The following TJP3 variants were observed in gnomAD, a reference collection of about 807,000 sequenced individuals.
TJP3 encodes the protein tight junction protein ZO-3.
Under a neutral mutation model 104.2 loss-of-function variants are expected in TJP3, and 85 were observed. That is an observed-to-expected ratio of 0.82 (90% CI 0.68 to 0.98). The LOEUF (loss-of-function observed/expected upper bound fraction) is 0.98. Ranked by LOEUF, TJP3 falls within the 50% of genes least tolerant of loss-of-function variation. The probability of loss-of-function intolerance (pLI) is 0.00; values close to 1 mark genes in which losing one functional copy is unlikely to be tolerated. For synonymous variants in TJP3, 550 were observed against 550.6 expected (o/e 1.00, Z 0.02); for missense variants, 1,367 against 1,322.8 (o/e 1.03, Z -0.52).
chr19:3,740,874 C>G, intron 14 of TJP3, 111 bp downstream of exon 14: 2 of 1,064,286 alleles, frequency 1.9e-6, no homozygotes, highest in Non-Finnish European at 2.5e-6. Context: ...GGCGTGGTGG[C>G]TCACGCCTAT....
chr19:3,747,975 A>T lies in TJP3; in HGVS notation c.2504A>T (p.Asp835Val), dbSNP rs759031819. Residue 835 changes from aspartate (D) to valine (V), a missense_variant, in exon 19 of 21, where the codon GAT becomes GTT. Transcript: ENST00000541714. Reference sequence around the variant, plus strand: ...GGGGGGCCCTACACGGATGTGGATGATGAGCCCCCGGCTCCAGCCCTGGCC... The same window carrying T: ...GGGGGGCCCTACACGGATGTGGATGTTGAGCCCCCGGCTCCAGCCCTGGCC... ...GEGGPYTDVD[D>V]EPPAPALARS... 3.1e-6 allele frequency: 5 copies of T among 1,612,686 alleles called. No homozygotes were observed. The South Asian group carries it at 5.5e-5, about 18-fold the overall frequency.
intron 11 of TJP3, among the ~76,000 whole-genome samples, chr19:3,737,184 G>T (rs1230789429): frequency 1.3e-5 from 2 of 151,986 alleles, no homozygotes; most frequent in Admixed American, 6.6e-5. Flanking sequence ...TCAAGATTGG[G>T]AACAACAATC....
chr19:3,746,814 CA>C lies in TJP3; in HGVS notation c.2261del (p.Gln754ArgfsTer30). 6.2e-7 allele frequency: 1 copy of C among 1,612,176 alleles called. No individual in the cohort carries two copies. The highest frequency in any genetic ancestry group is 8.5e-7 in the Non-Finnish European group (1 of 1,179,236). ...GAATGGCACGAGTGACACCTGGTAC[CA>C]GGAGCTCAAGGCCATCATTCGAGAG... is the stretch of plus-strand genomic sequence containing the variant. The part of the protein sequence containing the change: ...PLNGTSDTWY[Q>X]ELKAIIREQQ... On this transcript the variant is annotated frameshift_variant, in exon 18 of 21. Coordinates refer to ENST00000541714, the MANE Select transcript of TJP3 (RefSeq NM_001267560.2). LOFTEE classifies it high-confidence loss of function. This position sits in a 1 kb window ranked among gnomAD's most constrained non-coding sequence, Gnocchi z 4.1.
In TJP3 at chr19:3,745,133, C is replaced by CTTTTTTT. The variant is rs549831017; in HGVS notation, c.1940-854_1940-848dup. 1.2e-3 allele frequency among the ~76,000 whole-genome samples: 85 copies of CTTTTTTT among 70,026 alleles called. 5 individuals carry two copies. The highest frequency in any genetic ancestry group is 0.011 in the Middle Eastern group (1 of 90). 45.9% of individuals were successfully genotyped at this position (70,026 alleles called of 152,430 possible). ...TTAAAAAAAGATGCAAATTTTATGT[C>CTTTTTTT]TTTTTTTTTTTTTTTTTTTTTTTTT... On this transcript the variant is annotated intron_variant, in intron 15 of 20. Transcript: ENST00000541714.
At chr19:3,724,281 C>T (rs910956664) in intron 1 of TJP3, among the ~76,000 whole-genome samples, 3 of 151,180 alleles carry the variant, frequency 2.0e-5, no homozygotes, top group East Asian at 2.0e-4. Context: ...CTGCAAGCTC[C>T]GCCTCCCAGG....
At chr19:3,735,348 C>A (rs1256591970) in intron 8 of TJP3, among the ~76,000 whole-genome samples, 2 of 151,918 alleles carry the variant, frequency 1.3e-5, no homozygotes, top group African/African-American at 4.8e-5. Context: ...TACAGGCGCC[C>A]ACCATCATGC....
chr19:3,708,767 GC>G (rs1192111867), intron 1 of TJP3, among the ~76,000 whole-genome samples: 1 of 152,188 alleles, frequency 6.6e-6, no homozygotes, highest in Non-Finnish European at 1.5e-5. Context: ...ACTGCACCTG[GC>G]GGCCTGCCCA....
rs551135636 is a variant in TJP3 at position 3,722,844 on chromosome 19, G to A, written c.-9-5580G>A. ...ACCGCCCTCTCTGCCATTGTTCCTG[G>A]AGATGGGGTGGCGGGGGGGGGGGGC... On this transcript the variant is annotated intron_variant, in intron 1 of 20. Transcript: ENST00000541714. Among the ~76,000 whole-genome samples the A allele has an allele frequency of 3.5e-3, 495 of 141,028 alleles. 5 individuals carry two copies. The highest frequency in any genetic ancestry group is 0.013 in the African/African-American group (467 of 36,570). The allele number at this position is 141,028 out of a possible 152,430, so 92.5% of individuals were successfully genotyped here.
At chr19:3,715,685 G>C (rs1455859888) in intron 1 of TJP3, among the ~76,000 whole-genome samples, 2 of 152,274 alleles carry the variant, frequency 1.3e-5, no homozygotes, top group African/African-American at 4.8e-5. Context: ...CTGGGATGGG[G>C]CCATTCTGGG....
Position 3,746,998 on chromosome 19 carries a change from G to A in TJP3, c.2322+122G>A. ...GTCAGGGATCAGGACTGTGGCCAGA[G>A]TCAAGATGGGACCTGAGACAAGGGT... On this transcript the variant is annotated intron_variant, in intron 18 of 20. Coordinates refer to ENST00000541714, the MANE Select transcript of TJP3 (RefSeq NM_001267560.2). The surrounding 1 kb of genome is among the most constrained non-coding windows in gnomAD (Gnocchi z 4.1). The A allele has an allele frequency of 1.1e-6, 1 of 889,734 alleles. No homozygotes were observed. Among genetic ancestry groups the A allele is most frequent in the South Asian group, 1.5e-5 (1 of 65,206 alleles). 55.1% of individuals were successfully genotyped at this position (889,734 alleles called of 1,614,324 possible). A position where few individuals can be genotyped will look rare whatever the true frequency, so the allele number is the denominator to read the frequency against.
rs149989552 is a variant in TJP3, at chr19:3,734,289, C to T, written c.878-38C>T. The T allele has an allele frequency of 6.2e-4, 998 of 1,603,328 alleles. 1 individual carries two copies. Among genetic ancestry groups the T allele is most frequent in the Non-Finnish European group, 7.7e-4 (907 of 1,172,618 alleles). On this transcript the variant is annotated intron_variant, in intron 7 of 20. Transcript: ENST00000541714. ...TGTAAAATGGGTCCAGTCCAGAAGG[C>T]GTGACCATGGCTGATGAGATGTCCT...
At chr19:3,744,476 T>C (rs569168319) in intron 15 of TJP3, among the ~76,000 whole-genome samples, 2 of 151,952 alleles carry the variant, frequency 1.3e-5, no homozygotes, top group East Asian at 3.9e-4. Context: ...CCATCCTGGC[T>C]AACATGGTGA....
rs199705374 is a variant in TJP3 at position 3,730,539 on chromosome 19, C to T, written c.446C>T (p.Pro149Leu). The T allele has an allele frequency of 7.9e-5, 127 of 1,601,022 alleles. No individual in the cohort carries two copies. Among genetic ancestry groups the T allele is most frequent in the Non-Finnish European group, 9.9e-5 (117 of 1,176,282 alleles). Residue 149 changes from proline to leucine, a missense_variant, in exon 5 of 21, where the codon CCG becomes CTG. Transcript: ENST00000541714. This position sits in a 1 kb window ranked among gnomAD's most constrained non-coding sequence, Gnocchi z 7.3. ...TCCTGGGACGAGCGCTCCCGCCGGCCGAGGCCTGGTCGCCGGGGCCGGGCC... is the reference window on the plus strand; with the variant it reads ...TCCTGGGACGAGCGCTCCCGCCGGCTGAGGCCTGGTCGCCGGGGCCGGGCC... ...GRSWDERSRR[P>L]RPGRRGRAGS...
intron 5 of TJP3, among the ~76,000 whole-genome samples, chr19:3,731,421 C>T (rs2036669217): frequency 6.6e-6 from 1 of 152,032 alleles, no homozygotes; most frequent in Admixed American, 6.6e-5. Flanking sequence ...TCACTTGAGG[C>T]CAGTAGTTCT....
At chr19:3,726,594 T>G (rs913312070) in intron 1 of TJP3, among the ~76,000 whole-genome samples, 4 of 115,188 alleles carry the variant, frequency 3.5e-5, no homozygotes, top group Non-Finnish European at 7.5e-5. Flanking sequence ...GTTTTTTTTG[T>G]TTTTTTTTTT....
intron 1 of TJP3, among the ~76,000 whole-genome samples, chr19:3,727,188 G>T (rs1215225115): frequency 6.6e-6 from 1 of 151,894 alleles, no homozygotes; most frequent in African/African-American, 2.4e-5. Flanking sequence ...TATTAAATGA[G>T]ATAGTACATG....
chr19:3,718,570 G>A (rs1318253786), intron 1 of TJP3, among the ~76,000 whole-genome samples: 1 of 151,420 alleles, frequency 6.6e-6, no homozygotes, highest in Non-Finnish European at 1.5e-5. Flanking sequence ...CCAGGTTTAA[G>A]TAATTCTCCT....
chr19:3,716,308 A>G (rs1440320339), intron 1 of TJP3, among the ~76,000 whole-genome samples: 1 of 148,210 alleles, frequency 6.7e-6, no homozygotes, highest in Non-Finnish European at 1.5e-5. Context: ...ATTGACCTCA[A>G]GTGATCCGCC....
chr19:3,740,760 G>A lies in TJP3; in HGVS notation c.1840G>A (p.Glu614Lys). The A allele has an allele frequency of 1.9e-6, 3 of 1,571,936 alleles. No homozygotes were observed. Among genetic ancestry groups the A allele is most frequent in the Non-Finnish European group, 2.6e-6 (3 of 1,159,976 alleles). ...YPPYERVVLR[E>K]ASFKRPVVIL... ...GCCCTACGAACGAGTGGTGTTGCGA[G>A]AAGGTGGGGCCCGGAGCTGGAGGGG... The change falls in exon 14 of 21, where the codon GAA (glutamate) becomes AAA (lysine). Residue 614 changes from glutamate to lysine, a missense_variant. Physicochemically the swap from Glu to Lys is moderately conservative, Grantham distance 56. Transcript: ENST00000541714.
Sources: gnomAD v4.1 joint callset for allele counts (sites outside exome capture counted in the v4.1 genomes callset) on GRCh38, gnomAD v4.1.1 for gene constraint, Gnocchi (gnomAD v3.1) non-coding constraint, MANE v1.5 for transcripts, NCBI Gene and HGNC (gene_info 2026-07-23, HGNC 2026-07-21) for gene names.